Variants in CADPS2 observed in about 807,000 individuals in gnomAD.
CADPS2 encodes the protein calcium-dependent secretion activator 2.
Under a neutral mutation model 172.5 loss-of-function variants are expected in CADPS2, and 93 were observed. That is an observed-to-expected ratio of 0.54 (90% CI 0.46 to 0.64). The LOEUF (loss-of-function observed/expected upper bound fraction) is 0.64. CADPS2 is among the 30% of genes least tolerant of loss of function. The pLI is 0.00. For missense variants in CADPS2, 1,420 were observed against 1,565.9 expected, an observed-to-expected ratio of 0.91 and a Z score of 1.57; for synonymous variants, 546 against 555.2, an observed-to-expected ratio of 0.98 and a Z score of 0.23.
rs377489463 is a variant in CADPS2 at position 122,434,054 on chromosome 7, C to G, written c.2476+4287G>C. 5.9e-5 allele frequency among the ~76,000 whole-genome samples: 9 copies of G among 152,276 alleles called. No individual in the cohort carries two copies. In the East Asian group the frequency reaches 1.7e-3, roughly 29 times the overall value. On this transcript the variant is annotated intron_variant, in intron 17 of 29. Transcript: ENST00000449022. ...TGGCAGCTGGAAAGCCACGAACAAC[C>G]CTGAACTTCTTGTTTGTAAACTAGG...
intron 5 of CADPS2, among the ~76,000 whole-genome samples, chr7:122,620,102 G>A (rs2075411953): frequency 6.6e-6 from 1 of 152,166 alleles, no homozygotes; most frequent in Non-Finnish European, 1.5e-5. Context: ...CTAAGGAAGT[G>A]AAGTTTCAAT....
intron 9 of CADPS2, among the ~76,000 whole-genome samples, chr7:122,504,267 A>C (rs915134684): frequency 3.3e-5 from 5 of 152,196 alleles, no homozygotes; most frequent in African/African-American, 1.2e-4. Context: ...AGCACAATGC[A>C]TGCCTGTTAC....
intron 3 of CADPS2, among the ~76,000 whole-genome samples, chr7:122,634,935 T>A (rs1283663272): frequency 6.6e-6 from 1 of 152,194 alleles, no homozygotes; most frequent in Non-Finnish European, 1.5e-5. Flanking sequence ...GAGAAAATTG[T>A]TTAATTTCCA....
intron 20 of CADPS2, among the ~76,000 whole-genome samples, chr7:122,394,614 C>T (rs1482152722): frequency 6.6e-6 from 1 of 151,444 alleles, no homozygotes; most frequent in African/African-American, 2.4e-5. Context: ...GTAGAGGGAA[C>T]AGCTAGCAAA....
chr7:122,701,222 A>T (rs1193567894), intron 2 of CADPS2, among the ~76,000 whole-genome samples: 1 of 152,236 alleles, frequency 6.6e-6, no homozygotes, highest in African/African-American at 2.4e-5. Context: ...ACGATTAAGA[A>T]AATGTGGCAC....
chr7:122,409,490 T>G, intron 19 of CADPS2: 1 of 304,478 alleles, frequency 3.3e-6, no homozygotes, highest in South Asian at 2.7e-5. Flanking sequence ...CAAAACAGCT[T>G]CAGGTTGGCA....
intron 1 of CADPS2, among the ~76,000 whole-genome samples, chr7:122,817,545 G>A (rs192124995): frequency 2.6e-5 from 4 of 152,174 alleles, no homozygotes; most frequent in Admixed American, 6.5e-5. Flanking sequence ...TTGCAGGGAC[G>A]CCTCTCTGAT....
At position 122,482,469 on chromosome 7, in the gene CADPS2, T is replaced by C. The variant is rs568024401; in HGVS notation, c.1853-1609A>G. Among the ~76,000 whole-genome samples the C allele has an allele frequency of 5.9e-5, 9 of 152,256 alleles. 1 individual carries two copies. In the South Asian group the frequency reaches 1.5e-3, roughly 25 times the overall value. On this transcript the variant is annotated intron_variant, in intron 11 of 29. Coordinates refer to ENST00000449022, the MANE Select transcript of CADPS2 (RefSeq NM_017954.11). Reference sequence around the variant, plus strand: ...ATAATTATCTAGCCCAAAATGTCAATAGTGTTGAAATTGAGAAACCATGCT... The same window carrying C: ...ATAATTATCTAGCCCAAAATGTCAACAGTGTTGAAATTGAGAAACCATGCT...
intron 1 of CADPS2, among the ~76,000 whole-genome samples, chr7:122,827,394 C>A (rs972344729): frequency 5.4e-5 from 3 of 55,414 alleles, no homozygotes; most frequent in African/African-American, 2.6e-4. Context: ...TGGTGGCTCA[C>A]ACATGTAATC....
intron 8 of CADPS2, among the ~76,000 whole-genome samples, chr7:122,530,026 A>G (rs1410626959): frequency 1.3e-5 from 2 of 152,116 alleles, no homozygotes; most frequent in Non-Finnish European, 2.9e-5. Context: ...AATTAGTGCT[A>G]TTTGACTCAC....
intron 14 of CADPS2, among the ~76,000 whole-genome samples, chr7:122,456,895 C>T (rs1463906666): frequency 2.0e-5 from 3 of 152,184 alleles, no homozygotes; most frequent in Non-Finnish European, 4.4e-5. Context: ...GTAATTTGTG[C>T]TATTCATCAA....
intron 3 of CADPS2, among the ~76,000 whole-genome samples, chr7:122,646,889 A>G (rs1424429797): frequency 2.0e-5 from 3 of 152,146 alleles, no homozygotes; most frequent in Non-Finnish European, 4.4e-5. Context: ...GGCAATTGCT[A>G]TGAAATAAGA....
chr7:122,637,328 GGAC>G (rs932447838), intron 3 of CADPS2, among the ~76,000 whole-genome samples: 6 of 151,352 alleles, frequency 4.0e-5, no homozygotes, highest in African/African-American at 1.5e-4. Flanking sequence ...CAAGTAGTTG[GGAC>G]TACAAATGTG....
intron 6 of CADPS2, among the ~76,000 whole-genome samples, chr7:122,586,495 T>G (rs535825148): frequency 2.0e-4 from 31 of 152,090 alleles, no homozygotes; most frequent in African/African-American, 6.7e-4. Flanking sequence ...ATCAAATATA[T>G]TTATAAAATT....
At chr7:122,786,770 A>G (rs137917752) in intron 1 of CADPS2, among the ~76,000 whole-genome samples, 54 of 152,096 alleles carry the variant, frequency 3.6e-4, no homozygotes, top group African/African-American at 1.2e-3. Context: ...TTTTTTCTAT[A>G]AGAGTGGTTT....
At chr7:122,791,995 A>G (rs1011269195) in intron 1 of CADPS2, among the ~76,000 whole-genome samples, 5 of 152,196 alleles carry the variant, frequency 3.3e-5, no homozygotes, top group African/African-American at 1.2e-4. Flanking sequence ...CAACAGATCA[A>G]TTCCCAGATA....
intron 3 of CADPS2, among the ~76,000 whole-genome samples, chr7:122,633,620 A>C (rs888853456): frequency 6.6e-5 from 10 of 152,142 alleles, no homozygotes; most frequent in African/African-American, 2.4e-4. Context: ...GGTTTTCTAC[A>C]TATAGAATAT....
intron 17 of CADPS2, among the ~76,000 whole-genome samples, chr7:122,433,409 T>TG (rs1395110620): frequency 6.6e-6 from 1 of 151,366 alleles, no homozygotes; most frequent in South Asian, 2.1e-4. Context: ...TTTTTTGGTT[T>TG]TTTTTTTTTT....
At chr7:122,366,302 G>A (rs62474591) in intron 25 of CADPS2, among the ~76,000 whole-genome samples, 40,244 of 151,240 alleles carry the variant, frequency 0.27, 5,977 homozygotes, top group African/African-American at 0.38. Flanking sequence ...GTTAATATAT[G>A]ATAATAAAAT....
Sources: gnomAD v4.1 joint callset for allele counts (sites outside exome capture counted in the v4.1 genomes callset) on GRCh38, gnomAD v4.1.1 for gene constraint, MANE v1.5 for transcripts, NCBI Gene and HGNC (gene_info 2026-07-23, HGNC 2026-07-21) for gene names.